PIEZO1: variants seen among roughly 807,000 people sequenced by gnomAD.
PIEZO1 encodes the protein piezo type mechanosensitive ion channel component 1 (Er blood group).
Under a neutral mutation model 297.2 loss-of-function variants are expected in PIEZO1, and 296 were observed. The observed-to-expected ratio is 1.00, with a 90% CI of 0.91 to 1.10. The LOEUF is 1.10. Ranked by LOEUF, PIEZO1 falls within the 50% of genes least tolerant of loss-of-function variation. The pLI, the probability that PIEZO1 is intolerant of heterozygous loss-of-function variation, is 0.00. For missense variants in PIEZO1, 5,018 were observed against 3,455.5 expected, an observed-to-expected ratio of 1.45 and a Z score of -11.34; for synonymous variants, 2,427 against 1,507.5, an observed-to-expected ratio of 1.61 and a Z score of -14.13.
intron 1 of PIEZO1, among the ~76,000 whole-genome samples, chr16:88,765,537 G>C (rs1283688432): frequency 2.0e-5 from 3 of 152,208 alleles, no homozygotes; most frequent in African/African-American, 7.2e-5. Context: ...TGCCCTCCCA[G>C]TGGATGCCAC....
intron 1 of PIEZO1, among the ~76,000 whole-genome samples, chr16:88,784,129 G>A (rs1205016637): frequency 6.6e-6 from 1 of 152,220 alleles, no homozygotes; most frequent in Non-Finnish European, 1.5e-5. Context: ...TGTGCTTCGC[G>A]AAAGGGGCAC....
intron 1 of PIEZO1, 149 bp downstream of exon 1, chr16:88,784,752 A>G: frequency 2.0e-6 from 1 of 492,750 alleles, no homozygotes; most frequent in Non-Finnish European, 3.2e-6. Context: ...TGCTTCAGGA[A>G]TGCGGGCGCC....
At chr16:88,751,268 C>T (rs1010814215) in intron 1 of PIEZO1, among the ~76,000 whole-genome samples, 4 of 152,184 alleles carry the variant, frequency 2.6e-5, no homozygotes, top group Non-Finnish European at 4.4e-5. Context: ...CACAGGAGGC[C>T]GGGCCTTTCA....
chr16:88,780,975 A>T (rs1191409827), intron 1 of PIEZO1, among the ~76,000 whole-genome samples: 1 of 152,212 alleles, frequency 6.6e-6, no homozygotes, highest in Non-Finnish European at 1.5e-5. Flanking sequence ...AAGAGAAAAA[A>T]GCCTAACTGT....
At chr16:88,748,515 A>T (rs1162967559) in intron 2 of PIEZO1, among the ~76,000 whole-genome samples, 2 of 150,934 alleles carry the variant, frequency 1.3e-5, no homozygotes, top group Admixed American at 6.6e-5. Context: ...CAAGTGGATC[A>T]AAGTCAACTG....
rs61745850 is a variant in PIEZO1, at chr16:88,719,906, G to A, written c.6219C>T (p.Tyr2073=). ...GGATCTGGTAGGCGGACAGGGCGAA[G>A]TAGATGCACTTCACGAAGTACCAGA... ...AQLWYFVKCI[Y]FALSAYQIRC... The change falls in exon 43 of 51, where the codon TAC becomes TAT. Residue 2073 remains tyrosine, a synonymous_variant. Transcript: ENST00000301015. The A allele has an allele frequency of 0.012, 18,756 of 1,550,444 alleles. 150 individuals carry two copies. The highest frequency in any genetic ancestry group is 0.015 in the Non-Finnish European group (17,340 of 1,146,956).
chr16:88,715,477 C>G lies in PIEZO1; in HGVS notation c.*128G>C. On this transcript the variant is annotated 3_prime_UTR_variant, in exon 51 of 51. Coordinates refer to ENST00000301015, the MANE Select transcript of PIEZO1 (RefSeq NM_001142864.4). ...CAGCAGCATCAGGGCTCAGGCAGGC[C>G]GGGAGGATGCATCACAGCTGGCGGC... 9.4e-7 allele frequency: 1 copy of G among 1,063,912 alleles called. No individual in the cohort carries two copies. Among genetic ancestry groups the G allele is most frequent in the African/African-American group, 1.6e-5 (1 of 64,022 alleles). The allele number at this position is 1,063,912 out of a possible 1,614,324, so 65.9% of individuals were successfully genotyped here.
At position 88,736,109 on chromosome 16, in the gene PIEZO1, C is replaced by T. The variant is rs753760917; in HGVS notation, c.1557+39G>A. Reference sequence around the variant, plus strand: ...CAGGACGACAACCCTGATGGGTCTGCGCACCCAGGCACCCCCGGATGTGGT... The same window carrying T: ...CAGGACGACAACCCTGATGGGTCTGTGCACCCAGGCACCCCCGGATGTGGT... On this transcript the variant is annotated intron_variant, in intron 12 of 50. Coordinates refer to ENST00000301015, the MANE Select transcript of PIEZO1 (RefSeq NM_001142864.4). 1.1e-4 allele frequency: 171 copies of T among 1,510,388 alleles called. 1 individual carries two copies. The highest frequency in any genetic ancestry group is 1.4e-4 in the Admixed American group (7 of 49,446). 93.6% of individuals were successfully genotyped at this position (1,510,388 alleles called of 1,614,324 possible). A position where few individuals can be genotyped will look rare whatever the true frequency, so the allele number is the denominator to read the frequency against.
Position 88,726,986 on chromosome 16 carries a change from G to A in PIEZO1, c.3456-28C>T, listed in dbSNP as rs748524800. Reference sequence around the variant, plus strand: ...GCCAGGCCGGAGCGTCAGGGCGGGCGCCCCGGCCACCCCTCCCAGAAGGTT... The same window carrying A: ...GCCAGGCCGGAGCGTCAGGGCGGGCACCCCGGCCACCCCTCCCAGAAGGTT... On this transcript the variant is annotated intron_variant, in intron 24 of 50. Transcript: ENST00000301015. The A allele has an allele frequency of 2.1e-4, 331 of 1,549,170 alleles. 1 individual carries two copies. The highest frequency in any genetic ancestry group is 2.7e-4 in the Non-Finnish European group (304 of 1,146,042).
rs1404848822 is a variant in PIEZO1 at position 88,719,944 on chromosome 16, C to T, written c.6181G>A (p.Val2061Met). The T allele has an allele frequency of 1.2e-5, 18 of 1,550,220 alleles. No homozygotes were observed. The highest frequency in any genetic ancestry group is 1.5e-5 in the Non-Finnish European group (17 of 1,146,946). Residue 2061 changes from valine (V) to methionine (M), a missense_variant, in exon 43 of 51, where the codon GTG becomes ATG. By Grantham distance (21) the Val-to-Met change is conservative. Coordinates refer to ENST00000301015, the MANE Select transcript of PIEZO1 (RefSeq NM_001142864.4). The stretch of plus-strand genomic sequence containing the variant: ...ACGAAGTACCAGAGCTGGGCCACCA[C>T]ATTCTGGTTGAACATCCTGGGGCGG... ...AVTERMFNQN[V>M]VAQLWYFVKC...
At position 88,716,446 on chromosome 16, in the gene PIEZO1, C is replaced by A. The variant is rs774561483; in HGVS notation, c.6964G>T (p.Glu2322Ter). Residue 2322 changes from glutamate to a stop codon, truncating the protein, a stop_gained, in exon 48 of 51, where the codon GAG (glutamate) becomes TAG (stop). Coordinates refer to ENST00000301015, the MANE Select transcript of PIEZO1 (RefSeq NM_001142864.4). LOFTEE classifies it high-confidence loss of function. ...GGGGCCAGGGCCAGCATGTGCTTCT[C>A]GTTGGCATACTCCACAGTGCCTCCC... ...AKGGTVEYAN[E>*]KHMLALAPNS... is the part of the protein sequence containing the mutation. The A allele has an allele frequency of 6.5e-7, 1 of 1,549,766 alleles. No homozygotes were observed. Among genetic ancestry groups the A allele is most frequent in the South Asian group, 1.2e-5 (1 of 83,952 alleles).
In PIEZO1 at chr16:88,757,322, GGGGGT is replaced by G. The variant is rs1567687552; in HGVS notation, c.65-7848_65-7844del. ...GGTATGCAGGGGGCGTTGCTGGCGG[GGGGGT>G]GGGGGGTAGTTACCTAACCTGCCTG... On this transcript the variant is annotated intron_variant, in intron 1 of 50. Coordinates refer to ENST00000301015, the MANE Select transcript of PIEZO1 (RefSeq NM_001142864.4). Among the ~76,000 whole-genome samples, 100 of 96,044 alleles carry G rather than the reference GGGGGT, an allele frequency of 1.0e-3. 3 individuals are homozygous for G. Among genetic ancestry groups the G allele is most frequent in the South Asian group, 2.3e-3 (6 of 2,572 alleles). 63.0% of individuals were successfully genotyped at this position (96,044 alleles called of 152,430 possible).
chr16:88,731,220 A>G (rs2340983), intron 22 of PIEZO1: 40,785 of 167,524 alleles, frequency 0.24, 5,807 homozygotes, highest in African/African-American at 0.38. Context: ...CTGAAAACCA[A>G]ATGGCCACAA....
chr16:88,746,305 T>C (rs1016026986), intron 2 of PIEZO1, among the ~76,000 whole-genome samples: 3 of 152,064 alleles, frequency 2.0e-5, no homozygotes, highest in African/African-American at 7.2e-5. Context: ...GGGTGATCTC[T>C]CTCCAGACAG....
intron 1 of PIEZO1, among the ~76,000 whole-genome samples, chr16:88,770,943 C>A (rs866304525): frequency 6.6e-6 from 1 of 152,222 alleles, no homozygotes; most frequent in Non-Finnish European, 1.5e-5. Flanking sequence ...GACTCCCTGC[C>A]GTCACATGCC....
chr16:88,757,628 G>A (rs147063565), intron 1 of PIEZO1, among the ~76,000 whole-genome samples: 234 of 152,246 alleles, frequency 1.5e-3, no homozygotes, highest in Middle Eastern at 3.4e-3. Flanking sequence ...TTGAAGCTTC[G>A]TCACCTGGGA....
At chr16:88,749,570 C>T in intron 1 of PIEZO1, 91 bp from the exon 2 acceptor site, 1 of 971,098 alleles carries the variant, frequency 1.0e-6, no homozygotes, top group Non-Finnish European at 1.5e-6. Flanking sequence ...GCTCGTCACA[C>T]CGCCGAGGCC....
At chr16:88,737,532 C>A (rs1020892018) in intron 10 of PIEZO1, 27 bp downstream of exon 10, 7 of 1,477,792 alleles carry the variant, frequency 4.7e-6, no homozygotes, top group African/African-American at 2.8e-5. Flanking sequence ...CCGCACCCAG[C>A]CATACCTTGC....
At chr16:88,774,753 G>A (rs555255746) in intron 1 of PIEZO1, among the ~76,000 whole-genome samples, 9 of 152,184 alleles carry the variant, frequency 5.9e-5, no homozygotes, top group Non-Finnish European at 1.2e-4. Flanking sequence ...AGGGTACATG[G>A]GGTTCCCTGC....
Sources: gnomAD v4.1 joint callset for allele counts (sites outside exome capture counted in the v4.1 genomes callset) on GRCh38, gnomAD v4.1.1 for gene constraint, MANE v1.5 for transcripts, NCBI Gene and HGNC (gene_info 2026-07-23, HGNC 2026-07-21) for gene names.